The following MOB3B variants were observed in gnomAD, a reference collection of about 807,000 sequenced individuals.
The protein encoded by MOB3B is MOB kinase activator-like 2B.
In MOB3B, 7 loss-of-function variants were observed where a neutral mutation model predicts 18.7. The observed-to-expected ratio is 0.37, with a 90% confidence interval of 0.21 to 0.70. The LOEUF (loss-of-function observed/expected upper bound fraction) is 0.70, where lower values mean the gene tolerates loss of function less well. MOB3B is among the 30% of genes least tolerant of loss of function. The probability of loss-of-function intolerance (pLI) is 0.52; values close to 1 mark genes in which losing one functional copy is unlikely to be tolerated. For missense variants in MOB3B, 253 were observed against 281.3 expected, an observed-to-expected ratio of 0.90 and a Z score of 0.72; for synonymous variants, 111 against 99.9, an observed-to-expected ratio of 1.11 and a Z score of -0.66.
chr9:27,371,633 C>T (rs1394994679), intron 2 of MOB3B, among the ~76,000 whole-genome samples: 1 of 152,196 alleles, frequency 6.6e-6, no homozygotes, highest in Non-Finnish European at 1.5e-5. Flanking sequence ...CACATATTCA[C>T]ATGCCTTCAG....
At chr9:27,491,531 A>G (rs1349365990) in intron 1 of MOB3B, among the ~76,000 whole-genome samples, 1 of 152,224 alleles carries the variant, frequency 6.6e-6, no homozygotes, top group Non-Finnish European at 1.5e-5. Flanking sequence ...ATATATCTGT[A>G]TCAACCATTC....
In MOB3B at chr9:27,483,459, ATC is replaced by A. The variant is rs1301260239; in HGVS notation, c.-198-27713_-198-27712del. On this transcript the variant is annotated intron_variant, in intron 1 of 3. Coordinates refer to ENST00000262244, the MANE Select transcript of MOB3B (RefSeq NM_024761.5). ...TATATGGTACTTCTTTCATTGTTAA[ATC>A]TAACAAATTTCAATAACATTTTGTT... Among the ~76,000 whole-genome samples, 5 of 152,294 alleles carry A rather than the reference ATC, an allele frequency of 3.3e-5. No homozygotes were observed. The South Asian group carries it at 1.0e-3, about 32-fold the overall frequency.
intron 1 of MOB3B, among the ~76,000 whole-genome samples, chr9:27,508,085 A>G (rs1820086475): frequency 6.6e-6 from 1 of 152,218 alleles, no homozygotes; most frequent in Non-Finnish European, 1.5e-5. Context: ...GTTCTGCAGC[A>G]TTCTGGGGGA....
At chr9:27,454,798 T>C (rs912140926) in intron 2 of MOB3B, among the ~76,000 whole-genome samples, 4 of 152,196 alleles carry the variant, frequency 2.6e-5, no homozygotes, top group African/African-American at 9.6e-5. Flanking sequence ...CATGTAACTT[T>C]AGTCAGTTAA....
chr9:27,388,424 T>A (rs1212491205), intron 2 of MOB3B, among the ~76,000 whole-genome samples: 3 of 152,236 alleles, frequency 2.0e-5, no homozygotes, highest in African/African-American at 7.2e-5. Context: ...AGTTCACTCA[T>A]TGAAATGTCT....
At chr9:27,386,016 G>T (rs1821646726) in intron 2 of MOB3B, among the ~76,000 whole-genome samples, 1 of 152,232 alleles carries the variant, frequency 6.6e-6, no homozygotes, top group Non-Finnish European at 1.5e-5. Context: ...GGACACCTGG[G>T]TTGCTGTGCA....
At chr9:27,449,660 A>T (rs898490479) in intron 2 of MOB3B, among the ~76,000 whole-genome samples, 3 of 152,186 alleles carry the variant, frequency 2.0e-5, no homozygotes, top group African/African-American at 7.2e-5. Flanking sequence ...AATAAAAACC[A>T]TGTGAGAGAC....
chr9:27,357,558 G>A (rs1448121884), intron 3 of MOB3B, among the ~76,000 whole-genome samples: 1 of 151,880 alleles, frequency 6.6e-6, no homozygotes, highest in Non-Finnish European at 1.5e-5. Context: ...TGCTTACCCT[G>A]TCTGGCCCTT....
chr9:27,397,450 T>C (rs1821817717), intron 2 of MOB3B: 2 of 152,228 alleles, frequency 1.3e-5, no homozygotes, highest in Admixed American at 1.3e-4. Flanking sequence ...CACTGATTAT[T>C]ATATAAAGCA....
At chr9:27,441,269 T>A (rs997624901) in intron 2 of MOB3B, among the ~76,000 whole-genome samples, 2 of 129,292 alleles carry the variant, frequency 1.5e-5, no homozygotes, top group African/African-American at 3.2e-5. Flanking sequence ...TACTTCACAA[T>A]TTCACAGGCA....
chr9:27,384,262 C>T (rs1563855439), intron 2 of MOB3B, among the ~76,000 whole-genome samples: 3 of 151,322 alleles, frequency 2.0e-5, no homozygotes, highest in Non-Finnish European at 4.4e-5. Flanking sequence ...AGTTCATACA[C>T]TTTTTTTTTA....
At chr9:27,404,434 C>A (rs1171183220) in intron 2 of MOB3B, among the ~76,000 whole-genome samples, 1 of 133,914 alleles carries the variant, frequency 7.5e-6, no homozygotes, top group Non-Finnish European at 1.5e-5. Context: ...CAGCTCACTA[C>A]AACCTCTTGA....
At chr9:27,455,013 A>C in intron 2 of MOB3B, 120 bp downstream of exon 2, 1 of 1,012,750 alleles carries the variant, frequency 9.9e-7, no homozygotes, top group South Asian at 1.5e-5. Context: ...CACTCACTAC[A>C]GGTATGTGAG....
rs7047386 is a variant in MOB3B at position 27,337,415 on chromosome 9, C to G, written c.622-6799G>C. On this transcript the variant is annotated intron_variant, in intron 3 of 3. Coordinates refer to ENST00000262244, the MANE Select transcript of MOB3B (RefSeq NM_024761.5). ...TTCCCCTGCCCTTCCTGCCTCCATTCCAAACAGCTGTGCTGGCGAGGTCTA... is the reference window on the plus strand; with the variant it reads ...TTCCCCTGCCCTTCCTGCCTCCATTGCAAACAGCTGTGCTGGCGAGGTCTA... 9.6e-4 allele frequency among the ~76,000 whole-genome samples: 147 copies of G among 152,338 alleles called. 2 individuals carry two copies. Among genetic ancestry groups the G allele is most frequent in the African/African-American group, 3.3e-3 (139 of 41,574 alleles).
chr9:27,434,339 T>C (rs1822462273), intron 2 of MOB3B, among the ~76,000 whole-genome samples: 1 of 152,116 alleles, frequency 6.6e-6, no homozygotes, highest in Admixed American at 6.6e-5. Flanking sequence ...CTCCACTGTG[T>C]TTTCTCTTAA....
intron 1 of MOB3B, among the ~76,000 whole-genome samples, chr9:27,502,180 G>T (rs1820002506): frequency 6.6e-6 from 1 of 152,122 alleles, no homozygotes; most frequent in Non-Finnish European, 1.5e-5. Flanking sequence ...CCTGTTTTCA[G>T]ATCAAAAGAG....
chr9:27,486,174 C>G (rs12115670), intron 1 of MOB3B, among the ~76,000 whole-genome samples: 37,338 of 152,038 alleles, frequency 0.25, 4,726 homozygotes, highest in East Asian at 0.34. Flanking sequence ...ACCAGGAATG[C>G]CTCTTTGATG....
chr9:27,517,575 G>GAGA (rs1341052544), intron 1 of MOB3B, among the ~76,000 whole-genome samples: 6 of 139,166 alleles, frequency 4.3e-5, no homozygotes, highest in African/African-American at 1.3e-4. Context: ...TTGAGCCCGG[G>GAGA]AGACGGAGGT....
chr9:27,380,113 C>G (rs1821554547), intron 2 of MOB3B, among the ~76,000 whole-genome samples: 1 of 152,168 alleles, frequency 6.6e-6, no homozygotes, highest in South Asian at 2.1e-4. Flanking sequence ...CAAGTTGTGT[C>G]TAAATCCTCA....
Sources: allele counts gnomAD v4.1 joint callset (sites outside exome capture counted in the v4.1 genomes callset), GRCh38; gene constraint gnomAD v4.1.1; transcripts MANE v1.5; gene names NCBI Gene and HGNC (gene_info 2026-07-23, HGNC 2026-07-21).